Variants in CDH18 observed in about 807,000 individuals in gnomAD.
CDH18 encodes the protein cadherin-18.
A neutral mutation model predicts 67.9 loss-of-function variants in CDH18; 31 were observed. The observed-to-expected ratio is 0.46, with a 90% CI of 0.34 to 0.62. The LOEUF (loss-of-function observed/expected upper bound fraction) is 0.62, where lower values mean the gene tolerates loss of function less well. Ranked by LOEUF, CDH18 falls within the 20% of genes least tolerant of loss-of-function variation. The pLI is 0.01. For missense variants in CDH18, 890 were observed against 975.5 expected (o/e 0.91, Z 1.17); for synonymous variants, 362 against 347.2 (o/e 1.04, Z -0.48).
intron 1 of CDH18, among the ~76,000 whole-genome samples, chr5:20,416,142 T>C (rs1560979741): frequency 2.0e-5 from 3 of 152,162 alleles, no homozygotes; most frequent in Non-Finnish European, 2.9e-5. Flanking sequence ...TTAAGTGTTC[T>C]TTCTACAATA....
chr5:20,003,621 G>A (rs776919092), intron 2 of CDH18, among the ~76,000 whole-genome samples: 5 of 152,000 alleles, frequency 3.3e-5, no homozygotes, highest in African/African-American at 4.8e-5. Context: ...TAGGCCGGTC[G>A]CGGTGGCTCA....
intron 3 of CDH18, among the ~76,000 whole-genome samples, chr5:19,806,588 T>C (rs1450448541): frequency 6.6e-6 from 1 of 152,134 alleles, no homozygotes. Flanking sequence ...CCTTCTTCGG[T>C]TTCTAGATAC....
chr5:20,488,277 T>A (rs1053988126), intron 1 of CDH18, among the ~76,000 whole-genome samples: 2 of 152,158 alleles, frequency 1.3e-5, no homozygotes, highest in South Asian at 4.1e-4. Flanking sequence ...GGTCCATACA[T>A]ACACATATGC....
intron 1 of CDH18, among the ~76,000 whole-genome samples, chr5:20,306,180 A>T (rs2149979072): frequency 6.6e-6 from 1 of 152,306 alleles, no homozygotes; most frequent in African/African-American, 2.4e-5. Flanking sequence ...ACATAAAGGA[A>T]AATACATAGA....
intron 2 of CDH18, among the ~76,000 whole-genome samples, chr5:19,851,772 T>C (rs1330592898): frequency 1.3e-5 from 2 of 151,866 alleles, no homozygotes; most frequent in African/African-American, 2.4e-5. Flanking sequence ...TGTGTGTATA[T>C]ATATATTCCC....
At chr5:20,475,466 A>G (rs1490066479) in intron 1 of CDH18, among the ~76,000 whole-genome samples, 1 of 152,288 alleles carries the variant, frequency 6.6e-6, no homozygotes, top group East Asian at 1.9e-4. Flanking sequence ...TAAATGATCA[A>G]ATTTGTATAA....
chr5:20,062,140 A>AATTATTATTATT (rs113839953), intron 2 of CDH18, among the ~76,000 whole-genome samples: 57,521 of 137,508 alleles, frequency 0.42, 12,902 homozygotes, highest in South Asian at 0.49. Context: ...TTAAGCCCAG[A>AATTATTATTATT]ATTATTATTA....
chr5:20,376,354 C>G (rs1004059078), intron 1 of CDH18, among the ~76,000 whole-genome samples: 1 of 151,178 alleles, frequency 6.6e-6, no homozygotes, highest in Non-Finnish European at 1.5e-5. Flanking sequence ...TCCCAAAGTG[C>G]TGGGATTACA....
chr5:20,564,052 T>A (rs1484220469), intron 1 of CDH18, among the ~76,000 whole-genome samples: 1 of 151,968 alleles, frequency 6.6e-6, no homozygotes, highest in African/African-American at 2.4e-5. Context: ...TTAGAAACCA[T>A]CAAAGACTTA....
At chr5:19,903,174 T>A (rs940826067) in intron 2 of CDH18, among the ~76,000 whole-genome samples, 2 of 151,800 alleles carry the variant, frequency 1.3e-5, no homozygotes, top group Non-Finnish European at 2.9e-5. Context: ...ATGATAAACA[T>A]CTCCACATCA....
At chr5:19,750,926 G>A (rs940369454) in intron 3 of CDH18, among the ~76,000 whole-genome samples, 1 of 152,014 alleles carries the variant, frequency 6.6e-6, no homozygotes, top group African/African-American at 2.4e-5. Context: ...AGCAAGAAGA[G>A]ATAGTCTTTG....
At chr5:20,199,261 G>A (rs1287221124) in intron 2 of CDH18, among the ~76,000 whole-genome samples, 2 of 152,166 alleles carry the variant, frequency 1.3e-5, no homozygotes, top group African/African-American at 2.4e-5. Context: ...GCTGTACCCT[G>A]CAAAGCCACA....
intron 1 of CDH18, among the ~76,000 whole-genome samples, chr5:20,415,056 G>A (rs957090758): frequency 1.3e-5 from 2 of 152,110 alleles, no homozygotes; most frequent in African/African-American, 2.4e-5. Flanking sequence ...AGTATGCATA[G>A]CAGCCAAGAT....
At chr5:20,337,900 G>A (rs1451987292) in intron 1 of CDH18, among the ~76,000 whole-genome samples, 1 of 152,176 alleles carries the variant, frequency 6.6e-6, no homozygotes, top group Non-Finnish European at 1.5e-5. Flanking sequence ...AGTTCCACGT[G>A]GCTGGGGAAA....
intron 3 of CDH18, among the ~76,000 whole-genome samples, chr5:19,827,961 T>C (rs963459051): frequency 1.3e-5 from 2 of 152,090 alleles, no homozygotes; most frequent in African/African-American, 2.4e-5. Flanking sequence ...ATAAATTAGA[T>C]TGATAGACTT....
intron 2 of CDH18, among the ~76,000 whole-genome samples, chr5:20,014,948 C>A (rs1737756780): frequency 6.6e-6 from 1 of 151,976 alleles, no homozygotes; most frequent in Non-Finnish European, 1.5e-5. Context: ...ATCAGGAAAC[C>A]CACATTCTTC....
chr5:19,506,890 C>T (rs1005019416), intron 10 of CDH18, among the ~76,000 whole-genome samples: 11 of 152,102 alleles, frequency 7.2e-5, no homozygotes, highest in African/African-American at 2.7e-4. Context: ...CAACAAAAGC[C>T]AAAATTGACA....
At chr5:19,768,910 A>G (rs775280461) in intron 3 of CDH18, among the ~76,000 whole-genome samples, 2 of 152,086 alleles carry the variant, frequency 1.3e-5, no homozygotes, top group African/African-American at 4.8e-5. Flanking sequence ...AAAGAAAAGT[A>G]TAATAATGGA....
chr5:20,242,404 T>A (rs1389870304), intron 2 of CDH18, among the ~76,000 whole-genome samples: 1 of 151,224 alleles, frequency 6.6e-6, no homozygotes, highest in Non-Finnish European at 1.5e-5. Flanking sequence ...CTGGTAACCA[T>A]CACTGTACTG....
Sources: allele counts gnomAD v4.1 joint callset (sites outside exome capture counted in the v4.1 genomes callset), GRCh38; gene constraint gnomAD v4.1.1; transcripts MANE v1.5; gene names NCBI Gene and HGNC (gene_info 2026-07-23, HGNC 2026-07-21).